LAMB4: variants seen among roughly 807,000 people sequenced by gnomAD.
The protein encoded by LAMB4 is laminin subunit beta 4.
Under a neutral mutation model 199.2 loss-of-function variants are expected in LAMB4, and 196 were observed. That is an observed-to-expected ratio of 0.98 (90% CI 0.88 to 1.11). LAMB4 has a LOEUF of 1.11. Ranked by LOEUF, LAMB4 falls within the 50% of genes least tolerant of loss-of-function variation. The pLI is 0.00. For synonymous variants in LAMB4, 744 were observed against 770.6 expected (o/e 0.97, Z 0.57); for missense variants, 2,080 against 2,171.2 (o/e 0.96, Z 0.83).
At chr7:108,044,336 T>G (rs1398185421) in intron 28 of LAMB4, 1 of 153,112 alleles carries the variant, frequency 6.5e-6, no homozygotes. Flanking sequence ...ATTCAAGTAA[T>G]GTACTTTCTT....
chr7:108,072,306 C>T (rs1364858367), intron 17 of LAMB4, among the ~76,000 whole-genome samples: 2 of 152,128 alleles, frequency 1.3e-5, no homozygotes, highest in African/African-American at 4.8e-5. Flanking sequence ...CTTCCTACTT[C>T]ATTGTGTCTT....
Position 108,034,291 on chromosome 7 carries a change from C to T in LAMB4, c.4735G>A (p.Ala1579Thr), listed in dbSNP as rs1218022889. The change falls in exon 31 of 34, where the codon GCT (alanine) becomes ACT (threonine). Residue 1579 changes from alanine to threonine, a missense_variant. By Grantham distance (58) the Ala-to-Thr change is moderately conservative. Coordinates refer to ENST00000388781, the MANE Select transcript of LAMB4 (RefSeq NM_007356.3). ...LDKTLNQLQQ[A>T]QITQGRANST... The stretch of plus-strand genomic sequence containing the variant: ...TTTGCCCGTCCTTGAGTGATTTGAG[C>T]TTGTTGTAACTGGTTCAATGTTTTG... 1 of 1,613,174 alleles carries T rather than the reference C, an allele frequency of 6.2e-7. No homozygotes were observed. The highest frequency in any genetic ancestry group is 8.5e-7 in the Non-Finnish European group (1 of 1,179,230).
chr7:108,043,557 T>C (rs2035502715), intron 29 of LAMB4, among the ~76,000 whole-genome samples, 195 bp downstream of exon 29: 1 of 15,860 alleles, frequency 6.3e-5, no homozygotes, highest in Non-Finnish European at 1.0e-4. Flanking sequence ...TTTTTTTTTT[T>C]TTTTTTTTTT....
intron 23 of LAMB4, among the ~76,000 whole-genome samples, chr7:108,061,455 G>A (rs1469191347): frequency 6.6e-6 from 1 of 151,964 alleles, no homozygotes; most frequent in African/African-American, 2.4e-5. Context: ...GTATGTTGTG[G>A]GGGCTGGGCG....
intron 25 of LAMB4, among the ~76,000 whole-genome samples, chr7:108,053,600 G>A (rs1391919587): frequency 2.0e-5 from 3 of 152,210 alleles, no homozygotes; most frequent in Non-Finnish European, 4.4e-5. Context: ...TTTGGCAGGT[G>A]GGCTAGGAGG....
At position 108,055,686 on chromosome 7, in the gene LAMB4, G is replaced by A; in HGVS notation, c.3701C>T (p.Pro1234Leu). 1 of 1,613,996 alleles carries A rather than the reference G, an allele frequency of 6.2e-7. No individual in the cohort carries two copies. Among genetic ancestry groups the A allele is most frequent in the Non-Finnish European group, 8.5e-7 (1 of 1,179,862 alleles). Residue 1234 changes from proline to leucine, a missense_variant, in exon 25 of 34, where the codon CCT (proline) becomes CTT (leucine). Coordinates refer to ENST00000388781, the MANE Select transcript of LAMB4 (RefSeq NM_007356.3). ...TAAGAATTTCCCAGATGGGAAAACA[G>A]GATGTTTCAAAATCCTTTCTATTTC... ...VSEIERILKH[P>L]VFPSGKFLKV... is the part of the protein sequence containing the mutation.
chr7:108,074,080 C>A (rs1215782325), intron 17 of LAMB4, among the ~76,000 whole-genome samples: 1 of 152,164 alleles, frequency 6.6e-6, no homozygotes, highest in East Asian at 1.9e-4. Context: ...CCTGAGGCCA[C>A]ACTTCAGTGG....
intron 14 of LAMB4, among the ~76,000 whole-genome samples, chr7:108,085,621 TA>T (rs1197112123): frequency 4.6e-5 from 7 of 152,074 alleles, no homozygotes; most frequent in African/African-American, 1.7e-4. Flanking sequence ...TGTATTTATT[TA>T]TTTTTTTTTG....
chr7:108,076,713 C>T lies in LAMB4; in HGVS notation c.2124+231G>A, dbSNP rs1032371001. 4.6e-5 allele frequency among the ~76,000 whole-genome samples: 7 copies of T among 152,230 alleles called. No homozygotes were observed. In the South Asian group the frequency reaches 1.2e-3, roughly 27 times the overall value. On this transcript the variant is annotated intron_variant, in intron 17 of 33. Coordinates refer to ENST00000388781, the MANE Select transcript of LAMB4 (RefSeq NM_007356.3). ...AGCTCTGTTCCATCATCTGTGAAAT[C>T]ATGAAAGTATACCTACCACACAGGG...
chr7:108,123,787 G>C (rs141721842), intron 1 of LAMB4, among the ~76,000 whole-genome samples: 1 of 152,266 alleles, frequency 6.6e-6, no homozygotes, highest in East Asian at 1.9e-4. Flanking sequence ...GCATCTTTCT[G>C]TACTAACAAA....
At chr7:108,062,141 T>A (rs916543180) in intron 23 of LAMB4, among the ~76,000 whole-genome samples, 1 of 152,226 alleles carries the variant, frequency 6.6e-6, no homozygotes, top group South Asian at 2.1e-4. Flanking sequence ...AAATAGTTTT[T>A]TTCCCACAAG....
intron 17 of LAMB4, among the ~76,000 whole-genome samples, chr7:108,070,246 G>C (rs1219114217): frequency 6.6e-6 from 1 of 152,212 alleles, no homozygotes; most frequent in Non-Finnish European, 1.5e-5. Flanking sequence ...GTAAAGTCTG[G>C]AGACTAAACC....
intron 9 of LAMB4, among the ~76,000 whole-genome samples, chr7:108,103,761 T>C (rs1337432602): frequency 6.6e-6 from 1 of 152,128 alleles, no homozygotes; most frequent in African/African-American, 2.4e-5. Flanking sequence ...TTGGAGGAAT[T>C]TGTCTTCATG....
In LAMB4 at chr7:108,063,825, C is replaced by T; in HGVS notation, c.2997G>A (p.Gln999=). The part of the protein sequence containing the change: ...GECLRCLHNT[Q]GANCQLCKPG... ...GTTTGCAGAGCTGGCAGTTTGCGCCCTGAGTGTTGTGCAAACATCGAAGGC... is the reference window on the plus strand; with the variant it reads ...GTTTGCAGAGCTGGCAGTTTGCGCCTTGAGTGTTGTGCAAACATCGAAGGC... Residue 999 remains glutamine, a synonymous_variant, in exon 22 of 34, where the codon CAG becomes CAA. Coordinates refer to ENST00000388781, the MANE Select transcript of LAMB4 (RefSeq NM_007356.3). 6.2e-7 allele frequency: 1 copy of T among 1,614,192 alleles called. No homozygotes were observed.
At chr7:108,018,505 C>T in the LAMB4 span, among the ~76,000 whole-genome samples, 5 of 152,018 alleles carry the variant, frequency 3.3e-5, no homozygotes, top group East Asian at 1.9e-4. Context: ...TTTGGGAGGC[C>T]GAGGTGGGTG....
At chr7:108,117,717 T>G (rs1259735176) in intron 2 of LAMB4, among the ~76,000 whole-genome samples, 1 of 152,212 alleles carries the variant, frequency 6.6e-6, no homozygotes, top group African/African-American at 2.4e-5. Flanking sequence ...CCCCAAGGGC[T>G]GCTGGTTGCC....
intron 28 of LAMB4, among the ~76,000 whole-genome samples, chr7:108,047,401 A>T (rs1055278172): frequency 2.6e-5 from 4 of 152,200 alleles, no homozygotes; most frequent in Admixed American, 6.5e-5. Flanking sequence ...GACGATGAAG[A>T]CCTTAATGAT....
At chr7:108,041,888 G>A (rs2035434000) in intron 29 of LAMB4, among the ~76,000 whole-genome samples, 1 of 151,704 alleles carries the variant, frequency 6.6e-6, no homozygotes, top group African/African-American at 2.4e-5. Context: ...GAACTTAAAA[G>A]TTAAAAAAAA....
At chr7:108,107,291 A>G (rs749606614) in intron 6 of LAMB4, among the ~76,000 whole-genome samples, 3 of 152,322 alleles carry the variant, frequency 2.0e-5, no homozygotes, top group Middle Eastern at 3.4e-3. Flanking sequence ...TTTACAGAGT[A>G]TGGGGATGAG....
Sources: allele counts gnomAD v4.1 joint callset (sites outside exome capture counted in the v4.1 genomes callset), GRCh38; gene constraint gnomAD v4.1.1; transcripts MANE v1.5; gene names NCBI Gene and HGNC (gene_info 2026-07-23, HGNC 2026-07-21).